Variants in RAPGEF1 observed in about 807,000 individuals in gnomAD.
RAPGEF1 encodes the protein CRK SH3-binding GNRP.
In RAPGEF1, 33 loss-of-function variants were observed where a neutral mutation model predicts 143.3. That is an observed-to-expected ratio of 0.23 (90% CI 0.17 to 0.31). RAPGEF1 has a LOEUF of 0.31. Ranked by LOEUF, RAPGEF1 falls within the 10% of genes least tolerant of loss-of-function variation. RAPGEF1 has a pLI of 1.00. For synonymous variants in RAPGEF1, 629 were observed against 676.5 expected, an observed-to-expected ratio of 0.93 and a Z score of 1.09; for missense variants, 1,199 against 1,645.4, an observed-to-expected ratio of 0.73 and a Z score of 4.69.
chr9:131,636,711 G>C (rs1966456851), intron 5 of RAPGEF1, among the ~76,000 whole-genome samples: 1 of 152,172 alleles, frequency 6.6e-6, no homozygotes, highest in Non-Finnish European at 1.5e-5. Flanking sequence ...AGCAGGGGTG[G>C]GTGGGCCAGA....
At chr9:131,587,221 A>AAC (rs367860435) in intron 22 of RAPGEF1, among the ~76,000 whole-genome samples, 1,392 of 60,616 alleles carry the variant, frequency 0.023, 241 homozygotes, top group African/African-American at 0.094. Context: ...CTCCGTCTCA[A>AAC]ACACACACAC....
Position 131,641,662 on chromosome 9 carries a change from T to A in RAPGEF1, c.494+1577A>T, listed in dbSNP as rs1363130227. Among the ~76,000 whole-genome samples the A allele has an allele frequency of 6.6e-6, 1 of 152,232 alleles. No individual in the cohort carries two copies. Among genetic ancestry groups the A allele is most frequent in the Non-Finnish European group, 1.5e-5 (1 of 68,048 alleles). On this transcript the variant is annotated intron_variant, in intron 4 of 26. Coordinates refer to ENST00000683357, the MANE Select transcript of RAPGEF1 (RefSeq NM_001377935.1). The surrounding 1 kb of genome is among the most constrained non-coding windows in gnomAD (Gnocchi z 4.6). Reference sequence around the variant, plus strand: ...CACAAAAACATGTTCTAAGAGGGAATCCATACATCTCGCTGTGGCATGACG... The same window carrying A: ...CACAAAAACATGTTCTAAGAGGGAAACCATACATCTCGCTGTGGCATGACG...
Position 131,675,196 on chromosome 9 carries a change from G to C in RAPGEF1, c.62-24247C>G, listed in dbSNP as rs141855468. 6.6e-6 allele frequency among the ~76,000 whole-genome samples: 1 copy of C among 152,198 alleles called. No individual in the cohort carries two copies. Among genetic ancestry groups the C allele is most frequent in the Non-Finnish European group, 1.5e-5 (1 of 68,020 alleles). On this transcript the variant is annotated intron_variant, in intron 1 of 26. Transcript: ENST00000683357. The surrounding 1 kb of genome is among the most constrained non-coding windows in gnomAD (Gnocchi z 4.6). ...TGCTGCACTTGGCTGGATTTGCGCT[G>C]TATTTCTCGTGGGGATGAGGCACGG...
intron 17 of RAPGEF1, among the ~76,000 whole-genome samples, 190 bp downstream of exon 17, chr9:131,596,108 C>T (rs778949351): frequency 5.9e-5 from 9 of 152,152 alleles, no homozygotes; most frequent in African/African-American, 1.7e-4. Flanking sequence ...ATGCCACGCA[C>T]GCCTGGAGTT....
intron 3 of RAPGEF1, among the ~76,000 whole-genome samples, chr9:131,649,200 A>AATT (rs1456928181): frequency 5.7e-5 from 5 of 87,236 alleles, no homozygotes; most frequent in African/African-American, 2.3e-4. Context: ...GCCTGGCTAA[A>AATT]TTTTTTTTTT....
chr9:131,676,764 G>A (rs1252522841), intron 1 of RAPGEF1, among the ~76,000 whole-genome samples: 2 of 152,350 alleles, frequency 1.3e-5, no homozygotes, highest in East Asian at 3.9e-4. Context: ...TTGTCAATTA[G>A]GCAAAACATA....
chr9:131,650,155 C>A lies in RAPGEF1; in HGVS notation c.289G>T (p.Val97Leu). The part of the protein sequence containing the change: ...QAVEFMSTSA[V>L]ASRSQRQKNL... ...TTCTGCCTTTGAGACCTGGAAGCCA[C>A]AGCACTGGTGGACATAAATTCTACT... Residue 97 changes from valine to leucine, a missense_variant, in exon 3 of 27, where the codon GTG becomes TTG. Coordinates refer to ENST00000683357, the MANE Select transcript of RAPGEF1 (RefSeq NM_001377935.1). The surrounding 1 kb of genome is among the most constrained non-coding windows in gnomAD (Gnocchi z 4.7). 1 of 1,613,772 alleles carries A rather than the reference C, an allele frequency of 6.2e-7. No homozygotes were observed. Among genetic ancestry groups the A allele is most frequent in the Non-Finnish European group, 8.5e-7 (1 of 1,179,722 alleles).
intron 12 of RAPGEF1, among the ~76,000 whole-genome samples, chr9:131,614,185 C>G (rs988745849): frequency 4.6e-5 from 7 of 152,222 alleles, no homozygotes; most frequent in African/African-American, 1.7e-4. Context: ...CTCTCCCACC[C>G]CCGGCTACCG....
At chr9:131,623,182 G>A (rs1588529927) in intron 10 of RAPGEF1, among the ~76,000 whole-genome samples, 1 of 152,312 alleles carries the variant, frequency 6.6e-6, no homozygotes, top group African/African-American at 2.4e-5. Flanking sequence ...GACTAAATAT[G>A]ACCGGGCGCA....
chr9:131,673,639 T>C (rs1831765018), intron 1 of RAPGEF1, among the ~76,000 whole-genome samples: 1 of 152,178 alleles, frequency 6.6e-6, no homozygotes, highest in Non-Finnish European at 1.5e-5. Context: ...TGCAGATGGT[T>C]AGAAAGCAGG....
intron 12 of RAPGEF1, among the ~76,000 whole-genome samples, chr9:131,606,491 G>C (rs1957134208): frequency 6.6e-6 from 1 of 152,212 alleles, no homozygotes; most frequent in South Asian, 2.1e-4. Context: ...GGGACGTGAG[G>C]AAAGTCAAGC....
rs775732406 is a variant in RAPGEF1, at chr9:131,709,706, C to T, written c.61+30064G>A. The stretch of plus-strand genomic sequence containing the variant: ...CATTTTAAAGCCAGAGGACACAGGG[C>T]CCTTCCCAGCCCCAGCGTCTTTCCG... On this transcript the variant is annotated intron_variant, in intron 1 of 26. Coordinates refer to ENST00000683357, the MANE Select transcript of RAPGEF1 (RefSeq NM_001377935.1). 15 of 1,613,534 alleles carry T rather than the reference C, an allele frequency of 9.3e-6. No individual in the cohort carries two copies. In the East Asian group the frequency reaches 2.9e-4, roughly 31 times the overall value.
Position 131,584,649 on chromosome 9 carries a change from C to A in RAPGEF1, c.3234-53G>T. 6.3e-7 allele frequency: 1 copy of A among 1,579,794 alleles called. No homozygotes were observed. The highest frequency in any genetic ancestry group is 1.1e-5 in the South Asian group (1 of 90,322). On this transcript the variant is annotated intron_variant, in intron 22 of 26. Transcript: ENST00000683357. This position sits in a 1 kb window ranked among gnomAD's most constrained non-coding sequence, Gnocchi z 6.8. ...GCTGAGTTGACAAGTCCCTGCAGGT[C>A]CCAGGGGTCCTGGTGGAGACAGGAC...
chr9:131,626,560 CAT>C lies in RAPGEF1; in HGVS notation c.1202-140_1202-139del, dbSNP rs1192818085. 5.2e-6 allele frequency: 4 copies of C among 775,384 alleles called. 1 individual carries two copies. In the South Asian group the frequency reaches 8.5e-5, roughly 17 times the overall value. The allele number at this position is 775,384 out of a possible 1,614,324, so 48.0% of individuals were successfully genotyped here. A position where few individuals can be genotyped will look rare whatever the true frequency, so the allele number is the denominator to read the frequency against. On this transcript the variant is annotated intron_variant, in intron 9 of 26. Coordinates refer to ENST00000683357, the MANE Select transcript of RAPGEF1 (RefSeq NM_001377935.1). ...GTCTCCAGGGCTTATTTTATATTCA[CAT>C]GTTATATTCTTCATTCTTCTCCCTG...
chr9:131,655,479 T>C lies in RAPGEF1; in HGVS notation c.62-4530A>G, dbSNP rs1419331617. Among the ~76,000 whole-genome samples, 1 of 152,244 alleles carries C rather than the reference T, an allele frequency of 6.6e-6. No individual in the cohort carries two copies. Among genetic ancestry groups the C allele is most frequent in the Admixed American group, 6.5e-5 (1 of 15,288 alleles). On this transcript the variant is annotated intron_variant, in intron 1 of 26. Coordinates refer to ENST00000683357, the MANE Select transcript of RAPGEF1 (RefSeq NM_001377935.1). The surrounding 1 kb of genome is among the most constrained non-coding windows in gnomAD (Gnocchi z 4.1). The stretch of plus-strand genomic sequence containing the variant: ...GTGTGACTTCTCCCGCTCCCCTCTG[T>C]CCTGCCTCTTCTCTCTCTTCACCCA...
rs760909051 is a variant in RAPGEF1, at chr9:131,584,508, C to T, written c.3312+10G>A. ...TGATGGGGGCCTGGGAAGGACTTGGCCACCATTACCTTCATGATCTTGATG... is the reference window on the plus strand; with the variant it reads ...TGATGGGGGCCTGGGAAGGACTTGGTCACCATTACCTTCATGATCTTGATG... On this transcript the variant is annotated intron_variant, in intron 23 of 26. Transcript: ENST00000683357. This position sits in a 1 kb window ranked among gnomAD's most constrained non-coding sequence, Gnocchi z 6.8. 19 of 1,613,820 alleles carry T rather than the reference C, an allele frequency of 1.2e-5. No individual in the cohort carries two copies. The African/African-American group carries it at 1.7e-4, about 15-fold the overall frequency.
In RAPGEF1 at chr9:131,598,827, C is replaced by CTTT. The variant is rs10647202; in HGVS notation, c.2502-520_2502-518dup. 1.8e-4 allele frequency among the ~76,000 whole-genome samples: 25 copies of CTTT among 138,938 alleles called. 1 individual carries two copies. Among genetic ancestry groups the CTTT allele is most frequent in the African/African-American group, 2.2e-4 (8 of 37,160 alleles). 91.1% of individuals were successfully genotyped at this position (138,938 alleles called of 152,430 possible). On this transcript the variant is annotated intron_variant, in intron 15 of 26. Transcript: ENST00000683357. ...GCAGGAGACAGAATTTATTTATTTG[C>CTTT]TTTTTTTTTTTTTTTGAGACGGAGT...
chr9:131,670,499 T>C (rs192022637), intron 1 of RAPGEF1, among the ~76,000 whole-genome samples: 31 of 152,288 alleles, frequency 2.0e-4, no homozygotes, highest in Non-Finnish European at 4.0e-4. Context: ...AGTAAGTCAC[T>C]GTAAGAGGAG....
chr9:131,638,400 T>A (rs1966851126), intron 5 of RAPGEF1, among the ~76,000 whole-genome samples: 1 of 152,228 alleles, frequency 6.6e-6, no homozygotes, highest in Non-Finnish European at 1.5e-5. Context: ...GAAGACTCAC[T>A]AAGATTTAAT....
Sources: gnomAD v4.1 joint callset for allele counts (sites outside exome capture counted in the v4.1 genomes callset) on GRCh38, gnomAD v4.1.1 for gene constraint, Gnocchi (gnomAD v3.1) non-coding constraint, MANE v1.5 for transcripts, NCBI Gene and HGNC (gene_info 2026-07-23, HGNC 2026-07-21) for gene names.